Variants in ESCO2 observed in about 807,000 individuals in gnomAD.
ESCO2 encodes the protein N-acetyltransferase ESCO2.
A neutral mutation model predicts 61.7 loss-of-function variants in ESCO2; 51 were observed. The observed-to-expected ratio is 0.83, with a 90% CI of 0.66 to 1.04. The LOEUF (loss-of-function observed/expected upper bound fraction) is 1.04, where lower values mean the gene tolerates loss of function less well. Ranked by LOEUF, ESCO2 falls within the 50% of genes least tolerant of loss-of-function variation. The probability of loss-of-function intolerance (pLI) is 0.00; values close to 1 mark genes in which losing one functional copy is unlikely to be tolerated. For synonymous variants in ESCO2, 230 were observed against 238.2 expected (o/e 0.97, Z 0.32); for missense variants, 692 against 686.2 (o/e 1.01, Z -0.09).
At chr8:27,818,794 G>A in the ESCO2 span, among the ~76,000 whole-genome samples, 1 of 151,626 alleles carries the variant, frequency 6.6e-6, no homozygotes. Context: ...TCTAGCTTTG[G>A]TGTCTTCTTT....
At chr8:27,811,588 A>G (rs996684428), downstream of ESCO2, among the ~76,000 whole-genome samples, 2 of 152,328 alleles carry the variant, frequency 1.3e-5, no homozygotes, top group East Asian at 3.9e-4. Context: ...AAAGGGACCA[A>G]TCACACATAG....
chr8:27,774,216 C>T (rs1367968988), upstream of ESCO2, among the ~76,000 whole-genome samples: 1 of 151,934 alleles, frequency 6.6e-6, no homozygotes, highest in African/African-American at 2.4e-5. Flanking sequence ...CTTGCTCTGT[C>T]GCCAGGCTGG....
chr8:27,788,117 A>G, intron 6 of ESCO2, 115 bp downstream of exon 6: 2 of 726,674 alleles, frequency 2.8e-6, no homozygotes, highest in South Asian at 3.0e-5. Context: ...GCAATGTTTT[A>G]TGTGACAGAA....
chr8:27,800,026 A>C (rs1239498688), intron 10 of ESCO2, among the ~76,000 whole-genome samples: 1 of 152,136 alleles, frequency 6.6e-6, no homozygotes, highest in African/African-American at 2.4e-5. Flanking sequence ...TAGAAAAAAC[A>C]AAACTACAAT....
chr8:27,816,744 A>G (rs1275687939), downstream of ESCO2, among the ~76,000 whole-genome samples: 3 of 151,610 alleles, frequency 2.0e-5, no homozygotes, highest in Non-Finnish European at 2.9e-5. Context: ...AGATTTGGGT[A>G]TTTTTTTTCA....
In ESCO2 at chr8:27,780,284, A is replaced by T. The variant is rs1804896579; in HGVS notation, c.955+17A>T. 6.8e-7 allele frequency: 1 copy of T among 1,466,668 alleles called. No homozygotes were observed. Among genetic ancestry groups the T allele is most frequent in the Non-Finnish European group, 9.6e-7 (1 of 1,046,216 alleles). 90.9% of individuals were successfully genotyped at this position (1,466,668 alleles called of 1,614,324 possible). On this transcript the variant is annotated intron_variant, in intron 4 of 10. Coordinates refer to ENST00000305188, the MANE Select transcript of ESCO2 (RefSeq NM_001017420.3). Reference sequence around the variant, plus strand: ...ATAAGACAAGTAAGAGAAAACTCGCATGAATTTAGCTGCTTAAAATAATGC... The same window carrying T: ...ATAAGACAAGTAAGAGAAAACTCGCTTGAATTTAGCTGCTTAAAATAATGC...
At chr8:27,782,751 G>A (rs1156388769) in intron 4 of ESCO2, among the ~76,000 whole-genome samples, 2 of 150,958 alleles carry the variant, frequency 1.3e-5, no homozygotes, top group Non-Finnish European at 3.0e-5. Context: ...GATGACAGGC[G>A]TGAGCCACTG....
At chr8:27,810,248 T>C, downstream of ESCO2, 1 of 1,184,214 alleles carries the variant, frequency 8.4e-7, no homozygotes, top group Non-Finnish European at 1.2e-6. Context: ...AGTAACTATG[T>C]AAATATTTTG....
intron 3 of ESCO2, chr8:27,779,954 C>T (rs753497119): frequency 2.2e-5 from 10 of 459,656 alleles, no homozygotes; most frequent in Admixed American, 1.4e-4. Flanking sequence ...CATGAGCCAC[C>T]GGGCCCTGCT....
chr8:27,816,533 C>T (rs911205687), downstream of ESCO2, among the ~76,000 whole-genome samples: 2 of 151,484 alleles, frequency 1.3e-5, no homozygotes, highest in African/African-American at 2.4e-5. Context: ...CCCGCCACCA[C>T]GCCTGGTTAA....
intron 4 of ESCO2, among the ~76,000 whole-genome samples, chr8:27,780,858 C>CT (rs551053067): frequency 6.6e-6 from 1 of 151,714 alleles, no homozygotes; most frequent in Non-Finnish European, 1.5e-5. Flanking sequence ...ATACATAAAG[C>CT]TTTTTTTTAT....
chr8:27,774,874 C>G (rs1368172313), intron 1 of ESCO2: 1 of 152,692 alleles, frequency 6.5e-6, no homozygotes, highest in East Asian at 1.9e-4. Context: ...GGTCGGGACG[C>G]TTTCCTCTCC....
intron 10 of ESCO2, among the ~76,000 whole-genome samples, chr8:27,802,543 G>T (rs1161134243): frequency 7.6e-6 from 1 of 130,990 alleles, no homozygotes; most frequent in Admixed American, 8.3e-5. Context: ...GGAGGCGGAG[G>T]TTTGTAGTGA....
At position 27,799,565 on chromosome 8, in the gene ESCO2, A is replaced by G. The variant is rs114956994; in HGVS notation, c.1522A>G (p.Ile508Val). Residue 508 changes from isoleucine (I) to valine (V), a missense_variant, in exon 10 of 11, where the codon ATT becomes GTT. Transcript: ENST00000305188. ...KQAFRVLSEP[I>V]GPESPSSTEC... is the part of the protein sequence containing the mutation. ...GGCATTTCGTGTCCTGTCTGAACCA[A>G]TTGGTCCAGAATCCCCAAGCTCTAC... The G allele has an allele frequency of 3.8e-3, 6,112 of 1,613,920 alleles. 115 individuals are homozygous for G. The African/African-American group carries it at 0.044, about 12-fold the overall frequency.
At chr8:27,795,490 T>A (rs1268330548) in intron 9 of ESCO2, among the ~76,000 whole-genome samples, 1 of 152,212 alleles carries the variant, frequency 6.6e-6, no homozygotes, top group Non-Finnish European at 1.5e-5. Context: ...TTCCTTTAAA[T>A]TTGAATGCCT....
Position 27,776,555 on chromosome 8 carries a change from A to G in ESCO2, c.247A>G (p.Thr83Ala), listed in dbSNP as rs113305862. ...CTCACCATTTAAATCTGCGCTCTCCACTGTATCTTTTTACAACCAAAATAA... is the reference window on the plus strand; with the variant it reads ...CTCACCATTTAAATCTGCGCTCTCCGCTGTATCTTTTTACAACCAAAATAA... ...QGSPFKSALS[T>A]VSFYNQNKWY... The change falls in exon 3 of 11, where the codon ACT (threonine) becomes GCT (alanine). Residue 83 changes from threonine to alanine, a missense_variant. Thr to Ala is a moderately conservative substitution (Grantham distance 58). Coordinates refer to ENST00000305188, the MANE Select transcript of ESCO2 (RefSeq NM_001017420.3). The G allele has an allele frequency of 1.5e-5, 24 of 1,614,136 alleles. No individual in the cohort carries two copies. In the African/African-American group the frequency reaches 2.0e-4, roughly 13 times the overall value.
chr8:27,792,869 T>C (rs1199597179), intron 9 of ESCO2, 58 bp downstream of exon 9: 1 of 1,523,128 alleles, frequency 6.6e-7, no homozygotes, highest in African/African-American at 1.4e-5. Context: ...AAAGAAAAGT[T>C]GGGAGAAGTC....
upstream of ESCO2, among the ~76,000 whole-genome samples, chr8:27,774,097 TA>T (rs1221542315): frequency 6.6e-6 from 1 of 152,124 alleles, no homozygotes; most frequent in African/African-American, 2.4e-5. Context: ...AAGTTACTAA[TA>T]AAAAAAGTGA....
intron 9 of ESCO2, 33 bp from the exon 10 acceptor site, chr8:27,799,508 G>T: frequency 6.2e-7 from 1 of 1,611,246 alleles, no homozygotes; most frequent in East Asian, 2.2e-5. Flanking sequence ...CATCTGTGGT[G>T]TTAGCTATAG....
Sources: allele counts gnomAD v4.1 joint callset (sites outside exome capture counted in the v4.1 genomes callset), GRCh38; gene constraint gnomAD v4.1.1; transcripts MANE v1.5; gene names NCBI Gene and HGNC (gene_info 2026-07-23, HGNC 2026-07-21).